Variants in KAZN observed in about 807,000 individuals in gnomAD.
KAZN encodes the protein kazrin, periplakin interacting protein.
In KAZN, 40 loss-of-function variants were observed where a neutral mutation model predicts 87.4. The ratio of observed to expected loss-of-function variants is 0.46; its 90% CI spans 0.36 to 0.60. KAZN has a LOEUF of 0.60. KAZN is among the 20% of genes least tolerant of loss of function. The pLI, the probability that KAZN is intolerant of heterozygous loss-of-function variation, is 0.00. For missense variants in KAZN, 898 were observed against 1,073.9 expected (o/e 0.84, Z 2.29); for synonymous variants, 466 against 458.3 (o/e 1.02, Z -0.22).
intron 1 of KAZN, among the ~76,000 whole-genome samples, chr1:13,945,843 T>C (rs4661453): frequency 0.66 from 100,377 of 151,946 alleles, 33,347 homozygotes; most frequent in South Asian, 0.69. Flanking sequence ...GCCACCTGAA[T>C]TGGGGAAGAT....
chr1:15,088,155 T>C (rs781414870), intron 8 of KAZN, among the ~76,000 whole-genome samples: 14 of 152,206 alleles, frequency 9.2e-5, no homozygotes, highest in Non-Finnish European at 1.9e-4. Context: ...GTCTCAACTC[T>C]GCCATTGTAG....
chr1:14,408,294 T>C lies in KAZN; in HGVS notation c.250-190689T>C, dbSNP rs149277604. ...TGGTTTTTAGAACATCACAGCCTTA[T>C]TGCAAGTCTGTTGTGGGCATAGGGG... is the stretch of plus-strand genomic sequence containing the variant. On this transcript the variant is annotated intron_variant, in intron 2 of 16. Transcript: ENST00000636203. Among the ~76,000 whole-genome samples, 20 of 152,334 alleles carry C rather than the reference T, an allele frequency of 1.3e-4. No homozygotes were observed. The East Asian group carries it at 2.1e-3, about 16-fold the overall frequency.
At chr1:14,957,881 G>A (rs1663338012) in intron 1 of KAZN, among the ~76,000 whole-genome samples, 1 of 152,234 alleles carries the variant, frequency 6.6e-6, no homozygotes, top group Admixed American at 6.5e-5. Context: ...GCGCCCTCGG[G>A]CTTCTGTGGG....
intron 1 of KAZN, among the ~76,000 whole-genome samples, chr1:13,998,274 C>G (rs557741507): frequency 1.3e-5 from 2 of 152,174 alleles, no homozygotes; most frequent in South Asian, 4.2e-4. Context: ...AAAAACACAC[C>G]AAAATATAAA....
At chr1:14,777,590 G>C (rs186742056) in intron 1 of KAZN, among the ~76,000 whole-genome samples, 26 of 152,096 alleles carry the variant, frequency 1.7e-4, no homozygotes, top group Non-Finnish European at 3.4e-4. Flanking sequence ...CCTTCTTTCT[G>C]TCCCCTGAAC....
intron 2 of KAZN, among the ~76,000 whole-genome samples, chr1:14,329,302 G>C (rs983645485): frequency 6.6e-6 from 1 of 152,092 alleles, no homozygotes; most frequent in Admixed American, 6.6e-5. Flanking sequence ...GGGGATGTTT[G>C]CATCACTGTG....
At chr1:14,127,791 TGGTGCTTTGAGTC>T (rs1347213347) in intron 1 of KAZN, among the ~76,000 whole-genome samples, 11 of 152,256 alleles carry the variant, frequency 7.2e-5, no homozygotes, top group South Asian at 2.1e-4. Flanking sequence ...GGCTTTGAGT[TGGTGCTTTGAGTC>T]GGTGCTAGGG....
intron 1 of KAZN, among the ~76,000 whole-genome samples, chr1:14,883,342 G>GAGAGAGAGAGAGAGAGAAAGAAAGA (rs1377953212): frequency 4.5e-4 from 15 of 33,430 alleles, no homozygotes; most frequent in Non-Finnish European, 8.6e-4. Flanking sequence ...GAGAGAGAGA[G>GAGAGAGAGAGAGAGAGAAAGAAAGA]AAAGAAAGAA....
At chr1:14,005,974 A>G (rs1004353349) in intron 1 of KAZN, among the ~76,000 whole-genome samples, 12 of 152,212 alleles carry the variant, frequency 7.9e-5, no homozygotes, top group African/African-American at 2.9e-4. Context: ...AGGAGCTCAG[A>G]GGCTTAAACT....
At chr1:14,132,115 C>G (rs1028639095) in intron 1 of KAZN, among the ~76,000 whole-genome samples, 24 of 152,240 alleles carry the variant, frequency 1.6e-4, no homozygotes, top group African/African-American at 5.8e-4. Flanking sequence ...ACAAATGAGG[C>G]TCAGCCCTAC....
rs1673423278 is a variant in KAZN at position 14,550,333 on chromosome 1, G to A, written c.250-48650G>A. Among the ~76,000 whole-genome samples, 3 of 151,878 alleles carry A rather than the reference G, an allele frequency of 2.0e-5. No homozygotes were observed. In the South Asian group the frequency reaches 6.2e-4, roughly 31 times the overall value. On this transcript the variant is annotated intron_variant, in intron 2 of 16. Coordinates refer to the KAZN transcript ENST00000636203. ...AGTAATGCAAAAGAGAATGGAACGG[G>A]GGAAAAAAAATTAGCCAAAGGTAAT...
chr1:14,232,996 TAAC>T (rs1457106880), intron 2 of KAZN, among the ~76,000 whole-genome samples: 2 of 152,212 alleles, frequency 1.3e-5, no homozygotes, highest in Non-Finnish European at 2.9e-5. Flanking sequence ...TCCATAATTT[TAAC>T]AACATTGTAA....
chr1:14,255,233 C>T (rs563857742), intron 2 of KAZN, among the ~76,000 whole-genome samples: 9 of 151,226 alleles, frequency 6.0e-5, no homozygotes, highest in African/African-American at 1.9e-4. Flanking sequence ...CACTTTTAAA[C>T]AACCAGATCT....
chr1:14,664,419 T>G (rs12021828), intron 1 of KAZN, among the ~76,000 whole-genome samples: 30,983 of 151,976 alleles, frequency 0.2, 3,272 homozygotes, highest in South Asian at 0.28. Context: ...GGTGACAGAG[T>G]GAGACTCTGC....
intron 2 of KAZN, among the ~76,000 whole-genome samples, chr1:14,585,076 G>A (rs1557816558): frequency 1.3e-5 from 2 of 152,192 alleles, no homozygotes; most frequent in Non-Finnish European, 2.9e-5. Flanking sequence ...GTGCATGGGA[G>A]GATACAGGGA....
chr1:14,075,361 C>T (rs1235601023), intron 1 of KAZN, among the ~76,000 whole-genome samples: 1 of 152,118 alleles, frequency 6.6e-6, no homozygotes, highest in Non-Finnish European at 1.5e-5. Flanking sequence ...ATGGTTGTTT[C>T]CCATGATTTA....
chr1:14,495,671 C>A (rs1246975131), intron 2 of KAZN, among the ~76,000 whole-genome samples: 1 of 152,134 alleles, frequency 6.6e-6, no homozygotes, highest in Non-Finnish European at 1.5e-5. Flanking sequence ...CTCTCCAACT[C>A]TCCTTCTTTA....
At chr1:14,499,656 G>T (rs1029935459) in intron 2 of KAZN, among the ~76,000 whole-genome samples, 1 of 152,130 alleles carries the variant, frequency 6.6e-6, no homozygotes, top group African/African-American at 2.4e-5. Flanking sequence ...GACAGGACAG[G>T]GTTATTTTAT....
chr1:14,173,892 T>A (rs998834770), intron 1 of KAZN, among the ~76,000 whole-genome samples: 2 of 152,176 alleles, frequency 1.3e-5, no homozygotes, highest in African/African-American at 4.8e-5. Flanking sequence ...AGAATGTTCC[T>A]ACAAAATAAG....
Sources: gnomAD v4.1 joint callset for allele counts (sites outside exome capture counted in the v4.1 genomes callset) on GRCh38, gnomAD v4.1.1 for gene constraint, MANE v1.5 for transcripts, NCBI Gene and HGNC (gene_info 2026-07-23, HGNC 2026-07-21) for gene names.